PCDH11X: variants seen among roughly 807,000 people sequenced by gnomAD.
The protein encoded by PCDH11X is protocadherin 11 X-linked, also known as protocadherin-11 X-linked.
A neutral mutation model predicts 53.3 loss-of-function variants in PCDH11X; 18 were observed. The ratio of observed to expected loss-of-function variants is 0.34; its 90% CI spans 0.23 to 0.50. The LOEUF (loss-of-function observed/expected upper bound fraction) is 0.50, where lower values mean the gene tolerates loss of function less well. PCDH11X is among the 20% of genes least tolerant of loss of function. The pLI is 0.98. For missense variants in PCDH11X, 570 were observed against 1,032.4 expected, an observed-to-expected ratio of 0.55 and a Z score of 6.14; for synonymous variants, 279 against 393.3, an observed-to-expected ratio of 0.71 and a Z score of 3.44.
intron 10 of PCDH11X, among the ~76,000 whole-genome samples, chrX:92,605,513 C>A (rs1265426134): frequency 9.0e-6 from 1 of 111,404 alleles, no homozygotes; most frequent in Non-Finnish European, 1.9e-5. Flanking sequence ...CTAAAACATC[C>A]AGATTGCAAA....
intron 10 of PCDH11X, among the ~76,000 whole-genome samples, chrX:92,539,618 G>T (rs2074723112): frequency 9.0e-6 from 1 of 111,406 alleles, no homozygotes; most frequent in Non-Finnish European, 1.9e-5. Context: ...TAGTTCATTT[G>T]GTAAGGCCAT....
At chrX:92,611,973 G>T (rs1199199558) in intron 10 of PCDH11X, among the ~76,000 whole-genome samples, 1 of 103,816 alleles carries the variant, frequency 9.6e-6, no homozygotes, top group East Asian at 3.0e-4. Context: ...TTGAAGTGCT[G>T]TTGGATTCAG....
chrX:92,153,151 G>T (rs866160805), intron 6 of PCDH11X, among the ~76,000 whole-genome samples: 3 of 110,317 alleles, frequency 2.7e-5, no homozygotes, highest in African/African-American at 9.9e-5. Context: ...TCCCAAGGGG[G>T]TATACTTAGC....
At chrX:92,544,614 G>A (rs1039504818) in intron 10 of PCDH11X, among the ~76,000 whole-genome samples, 1 of 109,096 alleles carries the variant, frequency 9.2e-6, no homozygotes, top group Admixed American at 9.9e-5. Flanking sequence ...ACTCCCTTTG[G>A]TCTTGTCTTA....
Position 92,471,629 on chromosome X carries a change from T to G in PCDH11X, c.3367+3307T>G, listed in dbSNP as rs184818871. ...TATATTCCTTTGGATATATTCCCAG[T>G]AATGGGATTGCTGGGTCAAATGTTA... On this transcript the variant is annotated intron_variant, in intron 10 of 10. Coordinates refer to ENST00000682573, the MANE Select transcript of PCDH11X (RefSeq NM_032968.5). 8.1e-3 allele frequency among the ~76,000 whole-genome samples: 897 copies of G among 110,777 alleles called. 8 individuals are homozygous for G. Among genetic ancestry groups the G allele is most frequent in the Non-Finnish European group, 0.013 (679 of 52,789 alleles).
chrX:92,141,787 A>G (rs1486920997), intron 6 of PCDH11X, among the ~76,000 whole-genome samples: 4 of 111,741 alleles, frequency 3.6e-5, no homozygotes, highest in Non-Finnish European at 7.5e-5. Flanking sequence ...AGAAATAGGT[A>G]TTCTAGGAAA....
intron 7 of PCDH11X, among the ~76,000 whole-genome samples, chrX:92,203,732 G>C (rs781211886): frequency 3.6e-5 from 4 of 111,991 alleles, no homozygotes; most frequent in Non-Finnish European, 5.6e-5. Flanking sequence ...AAAGTGGAGA[G>C]TGCTGATTGA....
chrX:92,436,632 C>T lies in PCDH11X; in HGVS notation c.3344-31667C>T, dbSNP rs1302140089. 2.7e-5 allele frequency among the ~76,000 whole-genome samples: 3 copies of T among 111,404 alleles called. No individual in the cohort carries two copies. In the East Asian group the frequency reaches 8.4e-4, roughly 31 times the overall value. On this transcript the variant is annotated intron_variant, in intron 9 of 10. Transcript: ENST00000682573. ...AACGTGGCACACATGAAATATTATG[C>T]AGTCATACAAATAATGAGATCATGT...
intron 7 of PCDH11X, among the ~76,000 whole-genome samples, chrX:92,222,155 T>TA (rs1030573338): frequency 9.2e-5 from 10 of 108,310 alleles, no homozygotes; most frequent in Non-Finnish European, 1.5e-4. Context: ...TTTTTTTTTT[T>TA]AAAGGATTAT....
intron 6 of PCDH11X, among the ~76,000 whole-genome samples, chrX:92,175,764 G>GTC (rs1392225270): frequency 2.1e-5 from 1 of 47,183 alleles, no homozygotes; most frequent in African/African-American, 7.5e-5. Flanking sequence ...ATATGTGTGT[G>GTC]TGTGTGTGTG....
chrX:92,418,916 G>A (rs2071881725), intron 9 of PCDH11X, among the ~76,000 whole-genome samples: 1 of 106,832 alleles, frequency 9.4e-6, no homozygotes, highest in Non-Finnish European at 1.9e-5. Context: ...TGCTTTCGTT[G>A]CATCTTACAA....
intron 9 of PCDH11X, among the ~76,000 whole-genome samples, chrX:92,394,348 T>C (rs952615484): frequency 8.1e-5 from 9 of 110,877 alleles, no homozygotes; most frequent in African/African-American, 2.9e-4. Context: ...TATCTTGTCT[T>C]TTCTGTTTGA....
At chrX:92,152,456 A>G (rs1305783538) in intron 6 of PCDH11X, among the ~76,000 whole-genome samples, 5 of 112,083 alleles carry the variant, frequency 4.5e-5, no homozygotes, top group Non-Finnish European at 9.4e-5. Flanking sequence ...GTTATCCTTC[A>G]TGAACACTTC....
chrX:91,782,098 G>T lies in PCDH11X; in HGVS notation c.-379+2414G>T, dbSNP rs1311555616. On this transcript the variant is annotated intron_variant, in intron 1 of 10. Transcript: ENST00000682573. ...AGCGGCGAGTCCGACCCGCAAGCAC[G>T]AGCAGCCCTGCCCCGCGCGCTCCCT... is the stretch of plus-strand genomic sequence containing the variant. Among the ~76,000 whole-genome samples the T allele has an allele frequency of 2.7e-5, 3 of 111,025 alleles. No individual in the cohort carries two copies. The South Asian group carries it at 1.1e-3, about 42-fold the overall frequency.
chrX:92,395,920 AC>A (rs1477998439), intron 9 of PCDH11X, among the ~76,000 whole-genome samples: 3 of 105,284 alleles, frequency 2.8e-5, no homozygotes, highest in African/African-American at 1.1e-4. Context: ...CAAATGGAGA[AC>A]TTTTTTATAT....
chrX:91,981,966 T>G (rs745317845), intron 6 of PCDH11X, among the ~76,000 whole-genome samples: 1 of 107,479 alleles, frequency 9.3e-6, no homozygotes, highest in African/African-American at 3.4e-5. Context: ...AGATTCTGAG[T>G]GTTGTCACCA....
intron 6 of PCDH11X, among the ~76,000 whole-genome samples, chrX:92,181,939 C>A (rs190519709): frequency 8.9e-6 from 1 of 112,494 alleles, no homozygotes; most frequent in East Asian, 2.8e-4. Flanking sequence ...ACAGAGTACC[C>A]ACTGGGGTGT....
chrX:91,828,680 T>C (rs1343522729), intron 4 of PCDH11X, among the ~76,000 whole-genome samples: 2 of 111,684 alleles, frequency 1.8e-5, no homozygotes, highest in Non-Finnish European at 1.9e-5. Context: ...AGATTGGTTT[T>C]AAAAGGTTGC....
At chrX:91,889,404 C>T (rs1456110520) in intron 6 of PCDH11X, among the ~76,000 whole-genome samples, 2 of 110,939 alleles carry the variant, frequency 1.8e-5, no homozygotes, top group East Asian at 2.8e-4. Flanking sequence ...CTGCAACCTC[C>T]GCCTCCTGGG....
Sources: gnomAD v4.1 joint callset for allele counts (sites outside exome capture counted in the v4.1 genomes callset) on GRCh38, gnomAD v4.1.1 for gene constraint, MANE v1.5 for transcripts, NCBI Gene and HGNC (gene_info 2026-07-23, HGNC 2026-07-21) for gene names.